ARID2: variants seen among roughly 807,000 people sequenced by gnomAD.
The protein encoded by ARID2 is AT-rich interaction domain 2.
A neutral mutation model predicts 184.6 loss-of-function variants in ARID2; 32 were observed. The ratio of observed to expected loss-of-function variants is 0.17; its 90% CI spans 0.13 to 0.23. The LOEUF (loss-of-function observed/expected upper bound fraction) is 0.23. Ranked by LOEUF, ARID2 falls within the 10% of genes least tolerant of loss-of-function variation. ARID2 has a pLI of 1.00. For synonymous variants in ARID2, 836 were observed against 772.6 expected, an observed-to-expected ratio of 1.08 and a Z score of -1.36; for missense variants, 1,696 against 2,197.6, an observed-to-expected ratio of 0.77 and a Z score of 4.56.
At chr12:45,771,780 CA>C (rs765673716) in intron 3 of ARID2, among the ~76,000 whole-genome samples, 10 of 151,866 alleles carry the variant, frequency 6.6e-5, no homozygotes, top group Non-Finnish European at 1.2e-4. Flanking sequence ...TTTGTTGGCA[CA>C]AAACTACTTA....
chr12:45,730,183 C>T (rs761540315), intron 2 of ARID2, 46 bp downstream of exon 2: 2 of 1,594,668 alleles, frequency 1.3e-6, no homozygotes, highest in Admixed American at 3.4e-5. Flanking sequence ...TGGCCTCCTC[C>T]AAAAAGTCTC....
rs146044805 is a variant in ARID2 at position 45,758,693 on chromosome 12, T to C, written c.284+27379T>C. 1.7e-3 allele frequency among the ~76,000 whole-genome samples: 253 copies of C among 152,290 alleles called. 1 individual carries two copies. The highest frequency in any genetic ancestry group is 6.0e-3 in the African/African-American group (249 of 41,574). On this transcript the variant is annotated intron_variant, in intron 3 of 20. Coordinates refer to ENST00000334344, the MANE Select transcript of ARID2 (RefSeq NM_152641.4). ...CCTTATTCTTTCCTATCCTCCTCCTTAATGGTTTCCATCTCATGGTCTAAG... is the reference window on the plus strand; with the variant it reads ...CCTTATTCTTTCCTATCCTCCTCCTCAATGGTTTCCATCTCATGGTCTAAG...
chr12:45,865,553 A>G (rs560663571), intron 16 of ARID2, among the ~76,000 whole-genome samples: 5 of 152,058 alleles, frequency 3.3e-5, no homozygotes, highest in Admixed American at 6.5e-5. Flanking sequence ...GTTTTTCATT[A>G]TTGCTTCAGG....
intron 3 of ARID2, among the ~76,000 whole-genome samples, chr12:45,763,728 C>T (rs1045990485): frequency 1.3e-5 from 2 of 152,030 alleles, no homozygotes; most frequent in East Asian, 1.9e-4. Context: ...TGGCCTCAAG[C>T]GATGCCGCCA....
chr12:45,756,340 C>A (rs1204939333), intron 3 of ARID2, among the ~76,000 whole-genome samples: 2 of 152,174 alleles, frequency 1.3e-5, no homozygotes. Context: ...TACTTAGCAT[C>A]ATATCTTATT....
chr12:45,808,536 T>G (rs2138077984), intron 3 of ARID2, among the ~76,000 whole-genome samples: 1 of 152,282 alleles, frequency 6.6e-6, no homozygotes, highest in Non-Finnish European at 1.5e-5. Flanking sequence ...TTTTAAAACC[T>G]AATGAAACTT....
chr12:45,849,723 CTGT>C lies in ARID2; in HGVS notation c.1864_1866del (p.Val622del). 1.2e-6 allele frequency: 2 copies of C among 1,613,776 alleles called. No homozygotes were observed. The highest frequency in any genetic ancestry group is 1.7e-6 in the Non-Finnish European group (2 of 1,179,774). On this transcript the variant is annotated inframe_deletion, in exon 14 of 21. Coordinates refer to ENST00000334344, the MANE Select transcript of ARID2 (RefSeq NM_152641.4). ...TATCAGCAGCAACCAGTTTCTACTT[CTGT>C]TGTTCGTGTTGATTCTGTTCCTGAT... is the stretch of plus-strand genomic sequence containing the variant.
intron 3 of ARID2, among the ~76,000 whole-genome samples, chr12:45,758,394 C>A (rs1448347265): frequency 1.3e-5 from 2 of 151,040 alleles, no homozygotes; most frequent in Admixed American, 1.3e-4. Context: ...TTTTGTGCGA[C>A]TTTTTTTTAA....
At chr12:45,808,630 G>A (rs928581659) in intron 3 of ARID2, among the ~76,000 whole-genome samples, 10 of 151,924 alleles carry the variant, frequency 6.6e-5, no homozygotes, top group African/African-American at 2.2e-4. Context: ...CATCTCTTAC[G>A]TTCCATTTTG....
intron 20 of ARID2, among the ~76,000 whole-genome samples, chr12:45,896,910 T>G (rs1300986973): frequency 6.6e-6 from 1 of 152,114 alleles, no homozygotes; most frequent in Non-Finnish European, 1.5e-5. Flanking sequence ...ATAAATACAG[T>G]GATAATCTTA....
intron 6 of ARID2, among the ~76,000 whole-genome samples, chr12:45,827,222 T>C (rs117880452): frequency 1.3e-5 from 2 of 152,106 alleles, no homozygotes; most frequent in Non-Finnish European, 2.9e-5. Context: ...ACTTTTCATA[T>C]TGTTATCCAG....
rs1207556055 is a variant in ARID2 at position 45,899,633 on chromosome 12, TTA to T, written c.5364-5287_5364-5286del. ...AATATATATATATGTATATATTTGGTTATATATATATATATTTGGTTATATAT... is the reference window on the plus strand; with the variant it reads ...AATATATATATATGTATATATTTGGTTATATATATATATTTGGTTATATAT... On this transcript the variant is annotated intron_variant, in intron 20 of 20. Transcript: ENST00000334344. Among the ~76,000 whole-genome samples the T allele has an allele frequency of 1.5e-3, 198 of 134,716 alleles. 1 individual carries two copies. The highest frequency in any genetic ancestry group is 4.9e-3 in the African/African-American group (176 of 35,872). The allele number at this position is 134,716 out of a possible 152,430, so 88.4% of individuals were successfully genotyped here.
intron 11 of ARID2, chr12:45,840,737 A>G (rs993623399): frequency 2.0e-5 from 3 of 152,160 alleles, no homozygotes; most frequent in African/African-American, 7.2e-5. Flanking sequence ...ACGTTCATTC[A>G]TGGTCCCAAT....
chr12:45,741,931 T>TA (rs1388414037), intron 3 of ARID2, among the ~76,000 whole-genome samples: 1 of 152,248 alleles, frequency 6.6e-6, no homozygotes, highest in East Asian at 1.9e-4. Context: ...ATCAGGAGGC[T>TA]ATGCTGATAC....
intron 3 of ARID2, among the ~76,000 whole-genome samples, chr12:45,741,671 A>G (rs534830037): frequency 3.3e-5 from 5 of 152,192 alleles, no homozygotes; most frequent in South Asian, 4.1e-4. Flanking sequence ...ACATGTGTCT[A>G]TTATTCTTGA....
chr12:45,868,324 C>A (rs1238110566), intron 16 of ARID2, among the ~76,000 whole-genome samples: 1 of 152,088 alleles, frequency 6.6e-6, no homozygotes, highest in African/African-American at 2.4e-5. Flanking sequence ...ACCTGTAATC[C>A]CAGCTACTTG....
chr12:45,774,017 T>G (rs1292504898), intron 3 of ARID2, among the ~76,000 whole-genome samples: 1 of 152,158 alleles, frequency 6.6e-6, no homozygotes, highest in Non-Finnish European at 1.5e-5. Flanking sequence ...ATATAGTAGC[T>G]TCCTGCATTC....
intron 3 of ARID2, among the ~76,000 whole-genome samples, chr12:45,742,774 A>C (rs945959347): frequency 8.5e-5 from 13 of 152,148 alleles, no homozygotes; most frequent in African/African-American, 3.1e-4. Flanking sequence ...ATGCAAACCT[A>C]TTTTCAGATT....
intron 3 of ARID2, among the ~76,000 whole-genome samples, chr12:45,742,039 A>G (rs1010356356): frequency 6.6e-6 from 1 of 152,178 alleles, no homozygotes; most frequent in Non-Finnish European, 1.5e-5. Context: ...ACAATAGTAT[A>G]TATGTTCATC....
Sources: allele counts gnomAD v4.1 joint callset (sites outside exome capture counted in the v4.1 genomes callset), GRCh38; gene constraint gnomAD v4.1.1; transcripts MANE v1.5; gene names NCBI Gene and HGNC (gene_info 2026-07-23, HGNC 2026-07-21).